The following C10orf67 variants were observed in gnomAD, a reference collection of about 807,000 sequenced individuals.
C10orf67 encodes the protein uncharacterized protein C10orf67, mitochondrial.
C10orf67 carries 60 observed loss-of-function variants against 35.6 expected under a neutral mutation model. The ratio of observed to expected loss-of-function variants is 1.68; its 90% CI spans 1.37 to 2.09. C10orf67 has a LOEUF of 2.09. Among genes scored for constraint, C10orf67 ranks in the 30% most tolerant of loss-of-function variants. The pLI is 0.00. For missense variants in C10orf67, 474 were observed against 330.2 expected (o/e 1.44, Z -3.38); for synonymous variants, 167 against 115.8 (o/e 1.44, Z -2.84).
intron 7 of C10orf67, among the ~76,000 whole-genome samples, chr10:23,286,578 G>A (rs1204715744): frequency 8.9e-6 from 1 of 111,890 alleles, no homozygotes; most frequent in African/African-American, 3.3e-5. Context: ...GGAAGGGTGG[G>A]AAGGAGGGAA....
At chr10:23,318,672 A>G in intron 4 of C10orf67, 1 of 508,340 alleles carries the variant, frequency 2.0e-6, no homozygotes. Context: ...TTTGGCACAG[A>G]GTCACAGAGA....
Position 23,338,558 on chromosome 10 carries a change from A to G in C10orf67, c.207-5376T>C, listed in dbSNP as rs146512978. The stretch of plus-strand genomic sequence containing the variant: ...CATGAACTTACAGAACATCTTATCC[A>G]TCATCACGGTATTCTCACAGCACCA... On this transcript the variant is annotated intron_variant, in intron 1 of 15. Coordinates refer to ENST00000636213, the MANE Select transcript of C10orf67 (RefSeq NM_001371909.1). 4.3e-3 allele frequency among the ~76,000 whole-genome samples: 652 copies of G among 152,280 alleles called. 1 individual carries two copies. The highest frequency in any genetic ancestry group is 7.3e-3 in the Non-Finnish European group (498 of 68,028).
chr10:23,233,483 A>T (rs976886589), intron 13 of C10orf67, among the ~76,000 whole-genome samples: 9 of 152,196 alleles, frequency 5.9e-5, no homozygotes, highest in Admixed American at 6.5e-5. Context: ...AGAACTCAAG[A>T]CCTGTGGAAG....
intron 15 of C10orf67, among the ~76,000 whole-genome samples, chr10:23,221,756 T>C (rs1392314428): frequency 6.6e-6 from 1 of 152,236 alleles, no homozygotes; most frequent in Non-Finnish European, 1.5e-5. Context: ...AGAAAATTAG[T>C]AATTCAGCTT....
intron 10 of C10orf67, among the ~76,000 whole-genome samples, chr10:23,261,882 T>A (rs1315839483): frequency 6.6e-6 from 1 of 151,758 alleles, no homozygotes; most frequent in Non-Finnish European, 1.5e-5. Flanking sequence ...GTTAAGAGAG[T>A]GTTAAATGAA....
Position 23,221,165 on chromosome 10 carries a change from G to C in C10orf67, c.1570+2433C>G, listed in dbSNP as rs11013329. Among the ~76,000 whole-genome samples, 1,336 of 152,274 alleles carry C rather than the reference G, an allele frequency of 8.8e-3. 23 individuals are homozygous for C. Among genetic ancestry groups the C allele is most frequent in the African/African-American group, 0.029 (1,225 of 41,554 alleles). ...TTAACAGGACGCATGGCTAGGAGGT[G>C]TCAGGAAACTTACAATCATGGTGGA... is the stretch of plus-strand genomic sequence containing the variant. On this transcript the variant is annotated intron_variant, in intron 15 of 15. Coordinates refer to ENST00000636213, the MANE Select transcript of C10orf67 (RefSeq NM_001371909.1).
At chr10:23,214,834 A>G (rs944481390) in intron 15 of C10orf67, among the ~76,000 whole-genome samples, 1 of 152,082 alleles carries the variant, frequency 6.6e-6, no homozygotes, top group Non-Finnish European at 1.5e-5. Flanking sequence ...ACCAGCCTGG[A>G]CAACATGGCA....
chr10:23,254,371 C>T (rs1263666521), intron 10 of C10orf67, among the ~76,000 whole-genome samples: 1 of 152,060 alleles, frequency 6.6e-6, no homozygotes, highest in Non-Finnish European at 1.5e-5. Context: ...CCACCCCTGG[C>T]TAATTTTTTT....
At chr10:23,317,650 G>C (rs1844780762) in intron 4 of C10orf67, 1 of 152,130 alleles carries the variant, frequency 6.6e-6, no homozygotes, top group Non-Finnish European at 1.5e-5. Flanking sequence ...TGTTTACATA[G>C]AAAGCCCCAA....
At chr10:23,297,787 T>C (rs1188210534) in intron 5 of C10orf67, among the ~76,000 whole-genome samples, 1 of 152,236 alleles carries the variant, frequency 6.6e-6, no homozygotes, top group Non-Finnish European at 1.5e-5. Flanking sequence ...GCACTGGCCC[T>C]TCAAGTAATA....
At chr10:23,212,485 T>TCA (rs762505957) in intron 15 of C10orf67, among the ~76,000 whole-genome samples, 68 of 152,284 alleles carry the variant, frequency 4.5e-4, no homozygotes, top group Non-Finnish European at 8.4e-4. Context: ...AAGAACAAAT[T>TCA]CACTTCTTGA....
intron 7 of C10orf67, among the ~76,000 whole-genome samples, chr10:23,284,073 T>G (rs1843452366): frequency 6.7e-6 from 1 of 148,512 alleles, no homozygotes; most frequent in Admixed American, 6.7e-5. Context: ...TTCCCCAAAT[T>G]CAGTCCCATT....
intron 1 of C10orf67, among the ~76,000 whole-genome samples, chr10:23,334,160 T>G (rs1564521354): frequency 6.6e-6 from 1 of 152,204 alleles, no homozygotes; most frequent in Non-Finnish European, 1.5e-5. Context: ...AGAGAGGTCT[T>G]GAAACCAAAA....
At chr10:23,321,210 C>A (rs1160450201) in intron 3 of C10orf67, among the ~76,000 whole-genome samples, 1 of 152,160 alleles carries the variant, frequency 6.6e-6, no homozygotes, top group African/African-American at 2.4e-5. Context: ...AGCTAGTCTG[C>A]AAACTAGAGT....
intron 1 of C10orf67, among the ~76,000 whole-genome samples, chr10:23,340,170 G>A (rs891299643): frequency 6.6e-6 from 1 of 151,824 alleles, no homozygotes; most frequent in Non-Finnish European, 1.5e-5. Flanking sequence ...TATGTTTTCA[G>A]GTATTCCTTC....
At chr10:23,328,823 A>C (rs1443441681) in intron 2 of C10orf67, among the ~76,000 whole-genome samples, 1 of 151,556 alleles carries the variant, frequency 6.6e-6, no homozygotes, top group Non-Finnish European at 1.5e-5. Context: ...ATCTCTACAA[A>C]AAATTGTAAA....
At chr10:23,280,808 C>T (rs1843344786) in intron 8 of C10orf67, among the ~76,000 whole-genome samples, 1 of 152,246 alleles carries the variant, frequency 6.6e-6, no homozygotes, top group Non-Finnish European at 1.5e-5. Flanking sequence ...AGTATAGGCA[C>T]AAATTCACTG....
chr10:23,329,797 CAA>C (rs398013008), intron 2 of C10orf67, among the ~76,000 whole-genome samples: 19 of 48,076 alleles, frequency 4.0e-4, no homozygotes, highest in South Asian at 1.8e-3. Flanking sequence ...GAACTTGTCT[CAA>C]AAAAAAAAAA....
At chr10:23,226,319 C>A (rs1841740464) in intron 13 of C10orf67, among the ~76,000 whole-genome samples, 2 of 152,172 alleles carry the variant, frequency 1.3e-5, no homozygotes, top group Admixed American at 1.3e-4. Flanking sequence ...GGAAACTGAA[C>A]AACCTGCTCC....
Sources: gnomAD v4.1 joint callset for allele counts (sites outside exome capture counted in the v4.1 genomes callset) on GRCh38, gnomAD v4.1.1 for gene constraint, MANE v1.5 for transcripts, NCBI Gene and HGNC (gene_info 2026-07-23, HGNC 2026-07-21) for gene names.